PDCD4: variants seen among roughly 807,000 people sequenced by gnomAD.
PDCD4 encodes programmed cell death 4.
PDCD4 carries 56 observed loss-of-function variants against 54.0 expected under a neutral mutation model. That is an observed-to-expected ratio of 1.04 (90% CI 0.84 to 1.30). PDCD4 has a LOEUF of 1.30. PDCD4 is among the 50% of genes most tolerant of loss of function. The pLI, the probability that PDCD4 is intolerant of heterozygous loss-of-function variation, is 0.00. For missense variants in PDCD4, 584 were observed against 559.8 expected (o/e 1.04, Z -0.44); for synonymous variants, 186 against 194.8 (o/e 0.95, Z 0.37).
chr10:110,887,364 TGAATTTCTCA>T (rs1845683870), intron 5 of PDCD4, among the ~76,000 whole-genome samples: 1 of 152,128 alleles, frequency 6.6e-6, no homozygotes, highest in African/African-American at 2.4e-5. Context: ...ACCTAAATGG[TGAATTTCTCA>T]GAATGTATCT....
chr10:110,887,223 A>G (rs1335280795), intron 5 of PDCD4, among the ~76,000 whole-genome samples: 1 of 152,134 alleles, frequency 6.6e-6, no homozygotes, highest in Non-Finnish European at 1.5e-5. Flanking sequence ...TGTCTACAGT[A>G]TTCAGTATAG....
chr10:110,886,196 G>A (rs1845667216), intron 5 of PDCD4, among the ~76,000 whole-genome samples: 1 of 152,170 alleles, frequency 6.6e-6, no homozygotes, highest in African/African-American at 2.4e-5. Context: ...GAAACGTTCT[G>A]TTATAGAGGA....
In PDCD4 at chr10:110,899,864, G is replaced by C. The variant is rs1845942952; in HGVS notation, c.*1776G>C. The C allele has an allele frequency of 6.6e-6, 1 of 152,296 alleles. No homozygotes were observed. The highest frequency in any genetic ancestry group is 2.4e-5 in the African/African-American group (1 of 41,252). 9.4% of individuals were successfully genotyped at this position (152,296 alleles called of 1,614,324 possible). A position where few individuals can be genotyped will look rare whatever the true frequency, so the allele number is the denominator to read the frequency against. ...TGGTGGGATCTGGTCACACAAGATAGCATTAAACGTGACATGGCACATAAA... is the reference window on the plus strand; with the variant it reads ...TGGTGGGATCTGGTCACACAAGATACCATTAAACGTGACATGGCACATAAA... On this transcript the variant is annotated 3_prime_UTR_variant, in exon 12 of 12. Transcript: ENST00000280154.
intron 4 of PDCD4, among the ~76,000 whole-genome samples, chr10:110,884,597 A>G (rs886893411): frequency 2.0e-5 from 3 of 152,054 alleles, no homozygotes; most frequent in Non-Finnish European, 2.9e-5. Flanking sequence ...CATTTATGAT[A>G]GGAAGCCATC....
Position 110,887,863 on chromosome 10 carries a change from C to G in PDCD4, c.754C>G (p.Leu252Val). Residue 252 changes from leucine (L) to valine (V), a missense_variant, in exon 6 of 12, where the codon CTG (leucine) becomes GTG (valine). By Grantham distance (32) the Leu-to-Val change is conservative. Transcript: ENST00000280154. The part of the protein sequence containing the change: ...KLLKDLPELA[L>V]DTPRAPQLVG... ...GTTGAAAGATCTACCTGAATTAGCA[C>G]TGGATACTCCTAGAGCACCACAGGT... is the stretch of plus-strand genomic sequence containing the variant. 1 of 1,608,786 alleles carries G rather than the reference C, an allele frequency of 6.2e-7. No individual in the cohort carries two copies. The highest frequency in any genetic ancestry group is 8.5e-7 in the Non-Finnish European group (1 of 1,175,256).
At chr10:110,883,316 A>G (rs1294460464) in intron 4 of PDCD4, among the ~76,000 whole-genome samples, 3 of 152,108 alleles carry the variant, frequency 2.0e-5, no homozygotes, top group Non-Finnish European at 4.4e-5. Context: ...TAAGTTGTCC[A>G]TTTTTCAGTA....
At chr10:110,889,961 ATAT>A (rs2135213961) in intron 7 of PDCD4, among the ~76,000 whole-genome samples, 1 of 152,336 alleles carries the variant, frequency 6.6e-6, no homozygotes, top group African/African-American at 2.4e-5. Flanking sequence ...TAATAGTTTA[ATAT>A]TCTAATAAGA....
At chr10:110,889,769 A>G (rs1427081354) in intron 7 of PDCD4, 139 bp downstream of exon 7, 1 of 624,188 alleles carries the variant, frequency 1.6e-6, no homozygotes, top group African/African-American at 1.9e-5. Flanking sequence ...GTTAAAATGG[A>G]GAGACTATTG....
In PDCD4 at chr10:110,899,656, G is replaced by C. The variant is rs993744051; in HGVS notation, c.*1568G>C. ...CTATTAAAAATACAAAAGTAGCCAG[G>C]CATGGTGGCGCATGCGTGTAATCCC... On this transcript the variant is annotated 3_prime_UTR_variant, in exon 12 of 12. Coordinates refer to ENST00000280154, the MANE Select transcript of PDCD4 (RefSeq NM_014456.5). 1.3e-5 allele frequency: 2 copies of C among 152,200 alleles called. No homozygotes were observed. The highest frequency in any genetic ancestry group is 4.8e-5 in the African/African-American group (2 of 41,432). 9.4% of individuals were successfully genotyped at this position (152,200 alleles called of 1,614,324 possible).
At chr10:110,881,005 G>A (rs1013019484) in intron 2 of PDCD4, among the ~76,000 whole-genome samples, 1 of 152,124 alleles carries the variant, frequency 6.6e-6, no homozygotes, top group African/African-American at 2.4e-5. Context: ...AAACAAACAT[G>A]CTTTGTTAAA....
intron 11 of PDCD4, among the ~76,000 whole-genome samples, chr10:110,896,786 T>C (rs1845840504): frequency 6.6e-6 from 1 of 152,194 alleles, no homozygotes; most frequent in Admixed American, 6.5e-5. Context: ...TATAATTTTT[T>C]ATCTGGAAAA....
intron 6 of PDCD4, among the ~76,000 whole-genome samples, chr10:110,889,153 T>A (rs1845716141): frequency 7.5e-6 from 1 of 134,078 alleles, no homozygotes; most frequent in South Asian, 2.3e-4. Flanking sequence ...ACCTGGGAGG[T>A]GGAGGTTGCA....
intron 1 of PDCD4, among the ~76,000 whole-genome samples, chr10:110,874,385 C>T (rs1249197562): frequency 4.6e-5 from 7 of 152,132 alleles, no homozygotes; most frequent in Non-Finnish European, 1.0e-4. Flanking sequence ...TATCATATGA[C>T]ATTATTCCTT....
At chr10:110,881,787 A>T (rs1483937435) in intron 3 of PDCD4, among the ~76,000 whole-genome samples, 2 of 152,222 alleles carry the variant, frequency 1.3e-5, no homozygotes, top group South Asian at 2.1e-4. Flanking sequence ...TATTTCCAGC[A>T]AAATATACAC....
Position 110,881,359 on chromosome 10 carries a change from C to A in PDCD4, c.170C>A (p.Ala57Asp). 6.2e-7 allele frequency: 1 copy of A among 1,614,098 alleles called. No homozygotes were observed. Among genetic ancestry groups the A allele is most frequent in the Non-Finnish European group, 8.5e-7 (1 of 1,180,036 alleles). Residue 57 changes from alanine to aspartate, a missense_variant, in exon 3 of 12, where the codon GCC (alanine) becomes GAC (aspartate). Ala to Asp is a moderately radical substitution (Grantham distance 126). Coordinates refer to ENST00000280154, the MANE Select transcript of PDCD4 (RefSeq NM_014456.5). ...TCCATTAACGAAGCTAGAATTAATGCCAAGGCAAAAAGGCGACTAAGGAAA... is the reference window on the plus strand; with the variant it reads ...TCCATTAACGAAGCTAGAATTAATGACAAGGCAAAAAGGCGACTAAGGAAA... ...ASSINEARIN[A>D]KAKRRLRKNS...
chr10:110,883,976 A>T (rs1845631756), intron 4 of PDCD4, among the ~76,000 whole-genome samples: 1 of 152,228 alleles, frequency 6.6e-6, no homozygotes, highest in South Asian at 2.1e-4. Flanking sequence ...TTTAGGCTGA[A>T]GCCAGTCACA....
In PDCD4 at chr10:110,881,458, C is replaced by T; in HGVS notation, c.269C>T (p.Thr90Ile). ...SGSDALRSGL[T>I]VPTSPKGRLL... Reference sequence around the variant, plus strand: ...AGTGACGCCCTTAGAAGTGGATTAACTGTGCCAACCAGTCCAAAGGGAAGG... The same window carrying T: ...AGTGACGCCCTTAGAAGTGGATTAATTGTGCCAACCAGTCCAAAGGGAAGG... Residue 90 changes from threonine to isoleucine, a missense_variant, in exon 3 of 12, where the codon ACT becomes ATT. Coordinates refer to ENST00000280154, the MANE Select transcript of PDCD4 (RefSeq NM_014456.5). 2 of 1,614,168 alleles carry T rather than the reference C, an allele frequency of 1.2e-6. No individual in the cohort carries two copies. Among genetic ancestry groups the T allele is most frequent in the Non-Finnish European group, 1.7e-6 (2 of 1,180,032 alleles).
chr10:110,889,619 T>C lies in PDCD4; in HGVS notation c.864T>C (p.Cys288=). The change falls in exon 7 of 12, where the codon TGT becomes TGC. Residue 288 remains cysteine (C), a synonymous_variant. Coordinates refer to ENST00000280154, the MANE Select transcript of PDCD4 (RefSeq NM_014456.5). ...YIDSYKGTVD[C]VQARAALDKA... Reference sequence around the variant, plus strand: ...ATAGTTACAAAGGAACTGTAGATTGTGTGCAGGCTAGGTAAGTAAATCACT... The same window carrying C: ...ATAGTTACAAAGGAACTGTAGATTGCGTGCAGGCTAGGTAAGTAAATCACT... 6.4e-7 allele frequency: 1 copy of C among 1,573,072 alleles called. No homozygotes were observed. Among genetic ancestry groups the C allele is most frequent in the Non-Finnish European group, 8.7e-7 (1 of 1,145,274 alleles).
At chr10:110,876,494 C>T (rs1845507770) in intron 2 of PDCD4, among the ~76,000 whole-genome samples, 1 of 152,086 alleles carries the variant, frequency 6.6e-6, no homozygotes, top group South Asian at 2.1e-4. Flanking sequence ...TCCTATTTTT[C>T]TGCCTATCCT....
Sources: gnomAD v4.1 joint callset for allele counts (sites outside exome capture counted in the v4.1 genomes callset) on GRCh38, gnomAD v4.1.1 for gene constraint, MANE v1.5 for transcripts, NCBI Gene and HGNC (gene_info 2026-07-23, HGNC 2026-07-21) for gene names.